The following KPNA3 variants were observed in gnomAD, a reference collection of about 807,000 sequenced individuals.
KPNA3 encodes the protein karyopherin subunit alpha 3, also known as importin subunit alpha-4.
KPNA3 carries 13 observed loss-of-function variants against 73.8 expected under a neutral mutation model. The ratio of observed to expected loss-of-function variants is 0.18; its 90% CI spans 0.11 to 0.28. The LOEUF is 0.28. Among genes scored for constraint, KPNA3 ranks in the 10% least tolerant of loss-of-function variants. The probability of loss-of-function intolerance (pLI) is 1.00; values close to 1 mark genes in which losing one functional copy is unlikely to be tolerated. For missense variants in KPNA3, 360 were observed against 618.1 expected (o/e 0.58, Z 4.43); for synonymous variants, 186 against 206.9 (o/e 0.90, Z 0.87).
rs140516515 is a variant in KPNA3, at chr13:49,750,879, C to A, written c.70-3886G>T. 8.9e-3 allele frequency among the ~76,000 whole-genome samples: 1,348 copies of A among 152,238 alleles called. 19 individuals carry two copies. The highest frequency in any genetic ancestry group is 0.031 in the African/African-American group (1,296 of 41,524). On this transcript the variant is annotated intron_variant, in intron 1 of 16. Coordinates refer to ENST00000261667, the MANE Select transcript of KPNA3 (RefSeq NM_002267.4). ...TGGTGGCGCACGCCTGTAATCCCAGCTACTCAGTAGGCTGAGGCACAAGAA... is the reference window on the plus strand; with the variant it reads ...TGGTGGCGCACGCCTGTAATCCCAGATACTCAGTAGGCTGAGGCACAAGAA...
chr13:49,761,929 C>A (rs1954766457), intron 1 of KPNA3, among the ~76,000 whole-genome samples: 1 of 151,868 alleles, frequency 6.6e-6, no homozygotes, highest in Non-Finnish European at 1.5e-5. Context: ...TGCCCAGCCA[C>A]CCCGTCTGAG....
intron 15 of KPNA3, among the ~76,000 whole-genome samples, chr13:49,702,886 G>A (rs906183705): frequency 1.3e-5 from 2 of 152,088 alleles, no homozygotes; most frequent in African/African-American, 4.8e-5. Context: ...TTTTGAGACG[G>A]AGTCTCGCTC....
chr13:49,760,155 G>T (rs904864482), intron 1 of KPNA3, among the ~76,000 whole-genome samples: 4 of 152,098 alleles, frequency 2.6e-5, no homozygotes, highest in African/African-American at 9.7e-5. Flanking sequence ...GGGCACGGTG[G>T]CTCATGCCTG....
intron 14 of KPNA3, 62 bp from the exon 15 acceptor site, chr13:49,705,845 T>C: frequency 1.4e-6 from 2 of 1,382,332 alleles, no homozygotes; most frequent in Non-Finnish European, 1.9e-6. Flanking sequence ...CAGTAGGGTG[T>C]CGTGCTACAT....
chr13:49,703,014 G>A (rs919317346), intron 15 of KPNA3, among the ~76,000 whole-genome samples: 5 of 151,554 alleles, frequency 3.3e-5, no homozygotes, highest in Admixed American at 6.6e-5. Flanking sequence ...GACTACAGGC[G>A]CCCGCCACCA....
At chr13:49,774,846 G>C (rs1486772981) in intron 1 of KPNA3, among the ~76,000 whole-genome samples, 2 of 152,056 alleles carry the variant, frequency 1.3e-5, no homozygotes, top group East Asian at 3.9e-4. Flanking sequence ...AACTAATTAG[G>C]AATGTGTTCT....
intron 1 of KPNA3, among the ~76,000 whole-genome samples, chr13:49,774,171 C>T (rs546173263): frequency 9.9e-5 from 15 of 152,184 alleles, no homozygotes; most frequent in African/African-American, 3.4e-4. Context: ...TCCCAAAGTG[C>T]TAGGATTACA....
At chr13:49,777,881 C>T (rs143827278) in intron 1 of KPNA3, among the ~76,000 whole-genome samples, 168 of 152,186 alleles carry the variant, frequency 1.1e-3, no homozygotes, top group African/African-American at 4.0e-3. Context: ...AAAAAGTCTA[C>T]TCATAATAAC....
At chr13:49,777,169 T>C (rs1245016089) in intron 1 of KPNA3, among the ~76,000 whole-genome samples, 2 of 152,368 alleles carry the variant, frequency 1.3e-5, no homozygotes, top group East Asian at 1.9e-4. Flanking sequence ...CCATACTCTA[T>C]TCAGCTTTCT....
chr13:49,714,805 A>G (rs1954290797), intron 10 of KPNA3, among the ~76,000 whole-genome samples: 1 of 152,080 alleles, frequency 6.6e-6, no homozygotes, highest in Admixed American at 6.6e-5. Flanking sequence ...ATTTGTAATT[A>G]ATGTAAATTA....
chr13:49,725,829 A>G (rs1954404679), intron 6 of KPNA3, among the ~76,000 whole-genome samples: 1 of 152,064 alleles, frequency 6.6e-6, no homozygotes, highest in African/African-American at 2.4e-5. Flanking sequence ...TTTAGTAGAG[A>G]TAGGGTTTCA....
At chr13:49,785,684 T>TA (rs1234331484) in intron 1 of KPNA3, among the ~76,000 whole-genome samples, 1 of 151,846 alleles carries the variant, frequency 6.6e-6, no homozygotes, top group Non-Finnish European at 1.5e-5. Flanking sequence ...GAAGAAGACT[T>TA]ACCAAAGCTG....
chr13:49,735,630 T>A (rs1954515308), intron 2 of KPNA3, among the ~76,000 whole-genome samples: 1 of 152,162 alleles, frequency 6.6e-6, no homozygotes, highest in Non-Finnish European at 1.5e-5. Context: ...AGAAAGCAGC[T>A]CAGGGGTTAT....
intron 10 of KPNA3, among the ~76,000 whole-genome samples, chr13:49,716,899 A>C (rs767077018): frequency 1.3e-5 from 2 of 152,102 alleles, no homozygotes; most frequent in African/African-American, 2.4e-5. Flanking sequence ...AATCCCTTAA[A>C]TACTGACGAA....
intron 10 of KPNA3, among the ~76,000 whole-genome samples, chr13:49,713,591 A>G (rs1954279704): frequency 6.6e-6 from 1 of 150,446 alleles, no homozygotes; most frequent in Admixed American, 6.6e-5. Flanking sequence ...AGGCTTTTCT[A>G]TATAGAAATT....
intron 6 of KPNA3, among the ~76,000 whole-genome samples, chr13:49,731,167 C>T (rs113653486): frequency 0.078 from 11,839 of 151,394 alleles, 506 homozygotes; most frequent in South Asian, 0.12. Context: ...CTCCACATTC[C>T]AGGCTCAAAC....
At chr13:49,704,424 AAATAAATAAAAAATAAATAAATAAAT>A (rs1954182585) in intron 15 of KPNA3, among the ~76,000 whole-genome samples, 1 of 101,300 alleles carries the variant, frequency 9.9e-6, no homozygotes, top group South Asian at 4.1e-4. Context: ...AAAAAAAAAT[AAATAAATAAAAAATAAATAAATAAAT>A]AAATAAATAA....
intron 8 of KPNA3, 54 bp downstream of exon 8, chr13:49,722,423 T>C (rs529148838): frequency 8.3e-7 from 1 of 1,204,534 alleles, no homozygotes; most frequent in South Asian, 1.3e-5. Context: ...GCTATGCCAA[T>C]GTAGGAAAAA....
At chr13:49,729,715 G>C (rs1660336466) in intron 6 of KPNA3, among the ~76,000 whole-genome samples, 1 of 152,200 alleles carries the variant, frequency 6.6e-6, no homozygotes, top group Non-Finnish European at 1.5e-5. Flanking sequence ...AGGAAGCGGA[G>C]CTTGCAGTGA....
Sources: gnomAD v4.1 joint callset for allele counts (sites outside exome capture counted in the v4.1 genomes callset) on GRCh38, gnomAD v4.1.1 for gene constraint, MANE v1.5 for transcripts, NCBI Gene and HGNC (gene_info 2026-07-23, HGNC 2026-07-21) for gene names.